Variants in KYAT1 observed in about 807,000 individuals in gnomAD.
The protein encoded by KYAT1 is kynurenine aminotransferase 1.
KYAT1 carries 47 observed loss-of-function variants against 52.4 expected under a neutral mutation model. That is an observed-to-expected ratio of 0.90 (90% CI 0.71 to 1.14). The LOEUF is 1.14. Ranked by LOEUF, KYAT1 falls within the 50% of genes most tolerant of loss-of-function variation. The pLI is 0.00. For synonymous variants in KYAT1, 212 were observed against 209.6 expected (o/e 1.01, Z -0.10); for missense variants, 480 against 557.9 (o/e 0.86, Z 1.41).
chr9:128,846,748 C>A (rs946750737), intron 1 of KYAT1: 7 of 1,535,560 alleles, frequency 4.6e-6, no homozygotes, highest in Admixed American at 3.9e-5. Context: ...GCAGCAGGGA[C>A]CTCACATGGG....
intron 1 of KYAT1, among the ~76,000 whole-genome samples, chr9:128,879,501 C>T (rs558214427): frequency 9.2e-5 from 14 of 152,190 alleles, no homozygotes; most frequent in South Asian, 4.2e-4. Context: ...GTTAGTGTGG[C>T]GTTCTGGTGG....
intron 1 of KYAT1, among the ~76,000 whole-genome samples, chr9:128,875,561 C>T (rs1050518891): frequency 1.3e-5 from 2 of 150,708 alleles, no homozygotes; most frequent in Non-Finnish European, 2.9e-5. Flanking sequence ...TGAAGTGAGC[C>T]AAGATTGAGC....
chr9:128,853,045 A>G (rs567932385), intron 1 of KYAT1, among the ~76,000 whole-genome samples: 1 of 152,358 alleles, frequency 6.6e-6, no homozygotes, highest in East Asian at 1.9e-4. Flanking sequence ...AGTACAACTA[A>G]GACTTTTACA....
chr9:128,857,038 C>G (rs1333931569), intron 1 of KYAT1, among the ~76,000 whole-genome samples: 1 of 152,252 alleles, frequency 6.6e-6, no homozygotes, highest in Non-Finnish European at 1.5e-5. Flanking sequence ...GAAAAACCGC[C>G]CTATGGCGGG....
intron 1 of KYAT1, chr9:128,846,622 A>AT: frequency 9.7e-7 from 1 of 1,026,750 alleles, no homozygotes; most frequent in Non-Finnish European, 1.3e-6. Flanking sequence ...AAAAAAAAAA[A>AT]AAAGAAAGAA....
intron 1 of KYAT1, among the ~76,000 whole-genome samples, chr9:128,880,738 G>A (rs942055216): frequency 2.0e-5 from 3 of 151,998 alleles, no homozygotes; most frequent in Admixed American, 2.0e-4. Context: ...CACCGCGCCC[G>A]GCCCTGGCTA....
chr9:128,859,159 G>A (rs55661930), intron 1 of KYAT1, among the ~76,000 whole-genome samples: 7,288 of 151,916 alleles, frequency 0.048, 200 homozygotes, highest in African/African-American at 0.076. Flanking sequence ...TCAGGAGATC[G>A]AGACCATCCT....
intron 1 of KYAT1, chr9:128,847,320 A>C: frequency 1.5e-6 from 1 of 676,324 alleles, no homozygotes; most frequent in Non-Finnish European, 2.5e-6. Flanking sequence ...GCTGCAGTTA[A>C]AGAGGGCTCC....
At chr9:128,878,377 G>A (rs1838324746) in intron 1 of KYAT1, among the ~76,000 whole-genome samples, 1 of 151,944 alleles carries the variant, frequency 6.6e-6, no homozygotes, top group South Asian at 2.1e-4. Flanking sequence ...TCAAGCGATA[G>A]TCCCACCTCA....
At chr9:128,871,087 C>A (rs1433346197) in intron 1 of KYAT1, among the ~76,000 whole-genome samples, 1 of 151,950 alleles carries the variant, frequency 6.6e-6, no homozygotes, top group African/African-American at 2.4e-5. Flanking sequence ...GAGGCAAAGG[C>A]GGGTAGATTG....
In KYAT1 at chr9:128,838,206, T is replaced by C. The variant is rs1831484737; in HGVS notation, c.351+12A>G. ...CTCTCAGTCCCACTCAGCCCAAGTC[T>C]TGCCCACTCACCTCGTCTCCTTCGT... On this transcript the variant is annotated intron_variant, in intron 4 of 12. Coordinates refer to ENST00000302586, the MANE Select transcript of KYAT1 (RefSeq NM_004059.5). 5.0e-6 allele frequency: 8 copies of C among 1,614,162 alleles called. No homozygotes were observed. Among genetic ancestry groups the C allele is most frequent in the Non-Finnish European group, 6.8e-6 (8 of 1,180,034 alleles).
rs968152456 is a variant in KYAT1 at position 128,847,592 on chromosome 9, C to T, written c.-6-2181G>A. The T allele has an allele frequency of 4.8e-5, 59 of 1,236,204 alleles. No individual in the cohort carries two copies. In the African/African-American group the frequency reaches 7.0e-4, roughly 15 times the overall value. The allele number at this position is 1,236,204 out of a possible 1,614,324, so 76.6% of individuals were successfully genotyped here. A position where few individuals can be genotyped will look rare whatever the true frequency, so the allele number is the denominator to read the frequency against. ...GGCAGGGGAGAAGGGAGGAAACAGC[C>T]CTGGCCAGAAAATGCCTCCGAGCTC... On this transcript the variant is annotated intron_variant, in intron 1 of 12. Transcript: ENST00000302586.
chr9:128,835,690 C>A (rs1341706494), intron 9 of KYAT1, 23 bp from the exon 10 acceptor site: 2 of 1,607,922 alleles, frequency 1.2e-6, no homozygotes, highest in Non-Finnish European at 8.5e-7. Context: ...GATGGACACA[C>A]AGATAGATCA....
chr9:128,835,789 G>T lies in KYAT1; in HGVS notation c.845C>A (p.Thr282Lys). 1 of 1,613,044 alleles carries T rather than the reference G, an allele frequency of 6.2e-7. No homozygotes were observed. Among genetic ancestry groups the T allele is most frequent in the South Asian group, 1.1e-5 (1 of 90,838 alleles). Residue 282 changes from threonine (T) to lysine (K), a missense_variant, in exon 9 of 13, where the codon ACG becomes AAG. Coordinates refer to ENST00000302586, the MANE Select transcript of KYAT1 (RefSeq NM_004059.5). ...CCTGCCCCTCTTCACCTGGCTCTGC[G>T]TGGGGCAGTGGAAGACGGAGTTCTG... Reference protein sequence around the residue: ...VHQNSVFHCPTQSQAAVAESF... With the variant: ...VHQNSVFHCPKQSQAAVAESF...
intron 1 of KYAT1, among the ~76,000 whole-genome samples, chr9:128,851,367 G>A (rs200452447): frequency 2.0e-5 from 3 of 152,146 alleles, no homozygotes; most frequent in African/African-American, 4.8e-5. Context: ...GCGCTCGGAG[G>A]AATCCAGGGT....
intron 3 of KYAT1, 37 bp downstream of exon 3, chr9:128,842,617 C>T: frequency 6.2e-7 from 1 of 1,600,920 alleles, no homozygotes; most frequent in Non-Finnish European, 8.5e-7. Context: ...TGTCCCCTTC[C>T]TCCCCCAGTG....
intron 7 of KYAT1, 178 bp from the exon 8 acceptor site, chr9:128,836,251 TTCTCTC>T (rs757916426): frequency 4.3e-6 from 2 of 469,152 alleles, no homozygotes; most frequent in South Asian, 3.4e-5. Context: ...CCTTCCTTCT[TTCTCTC>T]TCTCTCTCTC....
chr9:128,865,118 C>T (rs1286323684), intron 1 of KYAT1, among the ~76,000 whole-genome samples: 4 of 146,742 alleles, frequency 2.7e-5, no homozygotes, highest in Non-Finnish European at 1.5e-5. Context: ...CCCAGCTACT[C>T]GGGAGGCTGA....
intron 1 of KYAT1, among the ~76,000 whole-genome samples, chr9:128,855,782 A>G (rs1271114553): frequency 6.6e-6 from 1 of 152,254 alleles, no homozygotes; most frequent in Non-Finnish European, 1.5e-5. Flanking sequence ...AGTTCTAACT[A>G]GATCCAAAAG....
Sources: allele counts gnomAD v4.1 joint callset (sites outside exome capture counted in the v4.1 genomes callset), GRCh38; gene constraint gnomAD v4.1.1; transcripts MANE v1.5; gene names NCBI Gene and HGNC (gene_info 2026-07-23, HGNC 2026-07-21).